SGCD: variants seen among roughly 807,000 people sequenced by gnomAD.
SGCD encodes delta-sarcoglycan.
SGCD carries 18 observed loss-of-function variants against 36.6 expected under a neutral mutation model. The observed-to-expected ratio is 0.49, with a 90% CI of 0.34 to 0.73. The LOEUF (loss-of-function observed/expected upper bound fraction) is 0.73. SGCD is among the 30% of genes least tolerant of loss of function. SGCD has a pLI of 0.01. For missense variants in SGCD, 387 were observed against 346.7 expected (o/e 1.12, Z -0.92); for synonymous variants, 133 against 130.6 (o/e 1.02, Z -0.12).
intron 3 of SGCD, among the ~76,000 whole-genome samples, chr5:156,434,264 T>C (rs1753148093): frequency 6.6e-6 from 1 of 152,240 alleles, no homozygotes; most frequent in Non-Finnish European, 1.5e-5. Flanking sequence ...GAAAGCAGTA[T>C]GTTCCATAAA....
chr5:155,738,711 AGTGTGAGAGAGTGT>A, the SGCD span, among the ~76,000 whole-genome samples: 5 of 126,084 alleles, frequency 4.0e-5, no homozygotes, highest in South Asian at 6.8e-4. Context: ...AGAGTGTGTG[AGTGTGAGAGAGTGT>A]GTGTGAGAGA....
At chr5:156,242,984 G>A (rs1363999555) in intron 3 of SGCD, among the ~76,000 whole-genome samples, 1 of 152,318 alleles carries the variant, frequency 6.6e-6, no homozygotes, top group East Asian at 1.9e-4. Flanking sequence ...GGTCATGCAG[G>A]TTGCCTTTGA....
intron 1 of SGCD, among the ~76,000 whole-genome samples, chr5:156,104,250 C>A (rs1018118264): frequency 6.6e-6 from 1 of 152,030 alleles, no homozygotes; most frequent in African/African-American, 2.4e-5. Flanking sequence ...AGGGTTAATT[C>A]CATGGGAATT....
At chr5:155,795,004 C>T in the SGCD span, among the ~76,000 whole-genome samples, 1 of 151,982 alleles carries the variant, frequency 6.6e-6, no homozygotes, top group Non-Finnish European at 1.5e-5. Context: ...AGCTGACATG[C>T]TAGCAGAACA....
intron 1 of SGCD, among the ~76,000 whole-genome samples, chr5:155,915,047 C>T (rs1338040244): frequency 3.3e-5 from 5 of 152,122 alleles, no homozygotes; most frequent in Non-Finnish European, 7.4e-5. Context: ...GTGGTGTAAA[C>T]ATTCAGGAGA....
chr5:155,900,508 T>C (rs1159854413), intron 1 of SGCD, among the ~76,000 whole-genome samples: 2 of 152,008 alleles, frequency 1.3e-5, no homozygotes, highest in Non-Finnish European at 2.9e-5. Context: ...TGTGCCATGC[T>C]GGTGCGCTGC....
chr5:156,197,144 A>C (rs754878182), intron 3 of SGCD, among the ~76,000 whole-genome samples: 1 of 152,196 alleles, frequency 6.6e-6, no homozygotes, highest in Non-Finnish European at 1.5e-5. Context: ...AAATCTTCGC[A>C]TATATTCTTA....
At chr5:155,918,880 T>C (rs1227547809) in intron 1 of SGCD, among the ~76,000 whole-genome samples, 1 of 152,186 alleles carries the variant, frequency 6.6e-6, no homozygotes, top group African/African-American at 2.4e-5. Context: ...ATAAAGAATA[T>C]GTGTATATGT....
intron 3 of SGCD, among the ~76,000 whole-genome samples, chr5:156,182,669 T>C (rs958011902): frequency 1.3e-5 from 2 of 152,216 alleles, no homozygotes; most frequent in African/African-American, 2.4e-5. Context: ...GGTTAATGAC[T>C]GGTAGAATTA....
chr5:156,098,869 T>C (rs1297940060), intron 1 of SGCD, among the ~76,000 whole-genome samples: 1 of 152,244 alleles, frequency 6.6e-6, no homozygotes, highest in Admixed American at 6.5e-5. Flanking sequence ...CCCACCCACC[T>C]TGGTATCTCT....
At chr5:156,347,966 T>C (rs935485252) in intron 3 of SGCD, among the ~76,000 whole-genome samples, 3 of 152,194 alleles carry the variant, frequency 2.0e-5, no homozygotes. Context: ...TTAGGCATAA[T>C]TGGTACTTTA....
At chr5:156,403,190 G>C (rs1225078215) in intron 3 of SGCD, among the ~76,000 whole-genome samples, 3 of 152,088 alleles carry the variant, frequency 2.0e-5, no homozygotes, top group African/African-American at 7.2e-5. Context: ...GTGAGGAAAA[G>C]TCACAGCAGT....
chr5:155,831,803 G>A, the SGCD span, among the ~76,000 whole-genome samples: 6 of 152,176 alleles, frequency 3.9e-5, no homozygotes, highest in African/African-American at 1.4e-4. Flanking sequence ...TATGAGTGGT[G>A]CTCTGCCTGA....
At chr5:156,310,473 G>A (rs1187603123) in intron 3 of SGCD, among the ~76,000 whole-genome samples, 1 of 152,210 alleles carries the variant, frequency 6.6e-6, no homozygotes, top group Non-Finnish European at 1.5e-5. Context: ...CCGCCAGTGT[G>A]CTGAGTAGTC....
intron 3 of SGCD, among the ~76,000 whole-genome samples, chr5:156,404,428 G>T (rs974739376): frequency 6.6e-6 from 1 of 152,276 alleles, no homozygotes; most frequent in African/African-American, 2.4e-5. Context: ...CAAATGTCTT[G>T]ATTAACATTT....
chr5:155,921,971 G>T (rs1251990008), intron 1 of SGCD, among the ~76,000 whole-genome samples: 3 of 152,214 alleles, frequency 2.0e-5, no homozygotes, highest in African/African-American at 7.2e-5. Context: ...ACGTACTCTG[G>T]AAAGGGCAGT....
intron 1 of SGCD, among the ~76,000 whole-genome samples, chr5:156,048,779 G>C (rs1759841386): frequency 1.3e-5 from 2 of 152,092 alleles, no homozygotes; most frequent in African/African-American, 4.8e-5. Flanking sequence ...TAGGTTGCCT[G>C]TTCACTCTGA....
intron 3 of SGCD, among the ~76,000 whole-genome samples, chr5:156,164,038 A>G (rs1008595903): frequency 6.6e-6 from 1 of 150,930 alleles, no homozygotes; most frequent in African/African-American, 2.5e-5. Context: ...AAAAAAAAAA[A>G]AAAGAAATCA....
chr5:156,197,915 C>A (rs79720633), intron 3 of SGCD, among the ~76,000 whole-genome samples: 3,686 of 152,140 alleles, frequency 0.024, 163 homozygotes, highest in African/African-American at 0.084. Flanking sequence ...TACGTATCCC[C>A]TCACCTACTT....
Sources: allele counts gnomAD v4.1 joint callset (sites outside exome capture counted in the v4.1 genomes callset), GRCh38; gene constraint gnomAD v4.1.1; transcripts MANE v1.5; gene names NCBI Gene and HGNC (gene_info 2026-07-23, HGNC 2026-07-21).